DIAPH2: variants seen among roughly 807,000 people sequenced by gnomAD.
The protein encoded by DIAPH2 is diaphanous related formin 2, also known as protein diaphanous homolog 2.
A neutral mutation model predicts 92.7 loss-of-function variants in DIAPH2; 35 were observed. The observed-to-expected ratio is 0.38, with a 90% CI of 0.29 to 0.50. DIAPH2 has a LOEUF of 0.50. DIAPH2 is among the 20% of genes least tolerant of loss of function. DIAPH2 has a pLI of 0.94. For synonymous variants in DIAPH2, 301 were observed against 280.4 expected, an observed-to-expected ratio of 1.07 and a Z score of -0.73; for missense variants, 701 against 819.5, an observed-to-expected ratio of 0.86 and a Z score of 1.77.
intron 23 of DIAPH2, among the ~76,000 whole-genome samples, chrX:97,346,097 T>A (rs1307516067): frequency 1.8e-5 from 2 of 111,670 alleles, no homozygotes; most frequent in Non-Finnish European, 1.9e-5. Context: ...AAAATTTTTT[T>A]AAAACTGGTA....
chrX:97,095,396 G>A (rs1053837461), intron 19 of DIAPH2, among the ~76,000 whole-genome samples: 4 of 107,845 alleles, frequency 3.7e-5, no homozygotes, highest in African/African-American at 1.3e-4. Context: ...GATTACAGGC[G>A]TGAGCCACCG....
rs760344914 is a variant in DIAPH2, at chrX:97,296,533, A to C, written c.2844+48694A>C. 3.6e-5 allele frequency among the ~76,000 whole-genome samples: 4 copies of C among 112,002 alleles called. No homozygotes were observed. In the East Asian group the frequency reaches 1.1e-3, roughly 31 times the overall value. Reference sequence around the variant, plus strand: ...CCCTCTGAGATCTTTAAATTCTCTCACATGTAAGCATATGTTGTTGATGTA... The same window carrying C: ...CCCTCTGAGATCTTTAAATTCTCTCCCATGTAAGCATATGTTGTTGATGTA... On this transcript the variant is annotated intron_variant, in intron 23 of 26. Transcript: ENST00000324765.
chrX:97,491,844 T>C (rs1207742194), intron 26 of DIAPH2, among the ~76,000 whole-genome samples: 4 of 112,048 alleles, frequency 3.6e-5, no homozygotes, highest in Non-Finnish European at 7.5e-5. Flanking sequence ...TGATATGCTT[T>C]GGTTCCTTCT....
intron 23 of DIAPH2, among the ~76,000 whole-genome samples, chrX:97,320,430 T>C (rs1371844750): frequency 9.1e-6 from 1 of 110,280 alleles, no homozygotes; most frequent in Non-Finnish European, 1.9e-5. Flanking sequence ...ATCTCTCAAT[T>C]TGGCCAGGCG....
intron 23 of DIAPH2, among the ~76,000 whole-genome samples, chrX:97,274,009 GTGT>G (rs1569347529): frequency 0.035 from 323 of 9,205 alleles, 1 homozygote; most frequent in African/African-American, 0.053. Flanking sequence ...AACTAGCGGT[GTGT>G]GTGTGTGTGT....
intron 17 of DIAPH2, among the ~76,000 whole-genome samples, chrX:97,026,540 A>G (rs1209288392): frequency 8.9e-6 from 1 of 111,905 alleles, no homozygotes; most frequent in African/African-American, 3.2e-5. Context: ...CCTAGAAACA[A>G]TGCCTTTAAA....
intron 4 of DIAPH2, among the ~76,000 whole-genome samples, chrX:96,780,688 T>C (rs1366844020): frequency 9.1e-6 from 1 of 110,491 alleles, no homozygotes; most frequent in Non-Finnish European, 1.9e-5. Flanking sequence ...TTCACCATGT[T>C]AGCCAGGATA....
intron 1 of DIAPH2, among the ~76,000 whole-genome samples, chrX:96,714,535 A>G (rs780657936): frequency 9.0e-6 from 1 of 111,512 alleles, no homozygotes; most frequent in East Asian, 2.8e-4. Context: ...AAGTGCTGGG[A>G]TTACAGGCAT....
At chrX:97,287,319 T>A (rs1458934160) in intron 23 of DIAPH2, among the ~76,000 whole-genome samples, 1 of 109,100 alleles carries the variant, frequency 9.2e-6, no homozygotes, top group Non-Finnish European at 1.9e-5. Context: ...AAAAAAAAAA[T>A]TTGTTTTGGG....
intron 4 of DIAPH2, among the ~76,000 whole-genome samples, chrX:96,844,855 C>T (rs1002920184): frequency 2.7e-5 from 3 of 112,172 alleles, no homozygotes; most frequent in African/African-American, 9.7e-5. Context: ...ACACCCCATT[C>T]ATTACACAAG....
intron 22 of DIAPH2, among the ~76,000 whole-genome samples, chrX:97,231,241 C>CTTTTTTTTTTTTTTTTTTTT (rs5903071): frequency 1.2e-5 from 1 of 83,404 alleles, no homozygotes; most frequent in Non-Finnish European, 2.3e-5. Flanking sequence ...TTCTTTCAGG[C>CTTTTTTTTTTTTTTTTTTTT]TTTTTTTTTT....
chrX:97,296,094 C>T (rs746483019), intron 23 of DIAPH2, among the ~76,000 whole-genome samples: 1 of 111,290 alleles, frequency 9.0e-6, no homozygotes, highest in Non-Finnish European at 1.9e-5. Context: ...TACCTTGGCA[C>T]AAGCTCTCAT....
At position 96,919,339 on chromosome X, in the gene DIAPH2, G is replaced by A. The variant is rs759169519; in HGVS notation, c.978+722G>A. Among the ~76,000 whole-genome samples the A allele has an allele frequency of 5.4e-4, 60 of 111,940 alleles. No homozygotes were observed. The South Asian group carries it at 9.3e-3, about 17-fold the overall frequency. On this transcript the variant is annotated intron_variant, in intron 9 of 26. Coordinates refer to ENST00000324765, the MANE Select transcript of DIAPH2 (RefSeq NM_006729.5). ...AGTATCTTTGTTTTGCTTATGGGAC[G>A]AATAAGTTGAATGAGATTAAATAAC... is the stretch of plus-strand genomic sequence containing the variant.
At chrX:97,429,888 T>C in intron 26 of DIAPH2, 143 bp downstream of exon 26, 2 of 532,072 alleles carry the variant, frequency 3.8e-6, no homozygotes, top group South Asian at 4.6e-5. Flanking sequence ...ATGTGTGAAA[T>C]CTCAGCAGGC....
intron 22 of DIAPH2, among the ~76,000 whole-genome samples, chrX:97,150,981 T>C (rs1182066454): frequency 1.8e-5 from 2 of 112,352 alleles, no homozygotes; most frequent in Non-Finnish European, 1.9e-5. Flanking sequence ...TTTGCAGATA[T>C]TTAATTTCAA....
intron 1 of DIAPH2, among the ~76,000 whole-genome samples, chrX:96,714,268 T>TC (rs2063936477): frequency 9.5e-6 from 1 of 105,435 alleles, no homozygotes; most frequent in Non-Finnish European, 2.0e-5. Context: ...TGTGTGTGTT[T>TC]TTTTTTTTTT....
intron 23 of DIAPH2, among the ~76,000 whole-genome samples, chrX:97,334,998 C>CAAAAAAA (rs746536131): frequency 4.1e-4 from 13 of 31,449 alleles, no homozygotes; most frequent in Non-Finnish European, 6.1e-4. Context: ...AAAAACAAAA[C>CAAAAAAA]AAAAAAAAAA....
intron 22 of DIAPH2, among the ~76,000 whole-genome samples, chrX:97,152,919 A>G (rs1342867839): frequency 9.1e-6 from 1 of 109,587 alleles, no homozygotes; most frequent in African/African-American, 3.3e-5. Flanking sequence ...CTCTGTGGCA[A>G]AAGATTCTGG....
chrX:96,922,816 T>G (rs1356923276), intron 9 of DIAPH2, among the ~76,000 whole-genome samples: 1 of 111,883 alleles, frequency 8.9e-6, no homozygotes. Flanking sequence ...CCCACCTATA[T>G]CTGTTTCTTC....
Sources: gnomAD v4.1 joint callset for allele counts (sites outside exome capture counted in the v4.1 genomes callset) on GRCh38, gnomAD v4.1.1 for gene constraint, MANE v1.5 for transcripts, NCBI Gene and HGNC (gene_info 2026-07-23, HGNC 2026-07-21) for gene names.